The following FAM222A variants were observed in gnomAD, a reference collection of about 807,000 sequenced individuals.
FAM222A encodes the protein protein FAM222A.
FAM222A carries 7 observed loss-of-function variants against 25.8 expected under a neutral mutation model. That is an observed-to-expected ratio of 0.27 (90% confidence interval 0.15 to 0.51). The LOEUF (loss-of-function observed/expected upper bound fraction) is 0.51, where lower values mean the gene tolerates loss of function less well. FAM222A is among the 20% of genes least tolerant of loss of function. The probability of loss-of-function intolerance (pLI) is 0.97; values close to 1 mark genes in which losing one functional copy is unlikely to be tolerated. For missense variants in FAM222A, 573 were observed against 640.5 expected, an observed-to-expected ratio of 0.89 and a Z score of 1.14; for synonymous variants, 294 against 298.8, an observed-to-expected ratio of 0.98 and a Z score of 0.17.
chr12:109,748,935 A>G (rs1565842344), intron 2 of FAM222A, among the ~76,000 whole-genome samples: 1 of 152,120 alleles, frequency 6.6e-6, no homozygotes, highest in Non-Finnish European at 1.5e-5. Context: ...TTTTTACATT[A>G]ATCTTTTTTT....
intron 1 of FAM222A, among the ~76,000 whole-genome samples, chr12:109,733,561 G>A (rs1340216776): frequency 4.6e-5 from 7 of 152,036 alleles, no homozygotes; most frequent in South Asian, 4.1e-4. Flanking sequence ...ACGCCACCAC[G>A]CCTGGCTAAT....
At chr12:109,715,507 C>T (rs1887625630) in intron 1 of FAM222A, among the ~76,000 whole-genome samples, 1 of 152,186 alleles carries the variant, frequency 6.6e-6, no homozygotes, top group Non-Finnish European at 1.5e-5. Context: ...TTGCCTTGAC[C>T]CAAGGCCGGA....
intron 2 of FAM222A, among the ~76,000 whole-genome samples, chr12:109,766,189 A>G (rs1889045122): frequency 6.6e-6 from 1 of 152,100 alleles, no homozygotes; most frequent in African/African-American, 2.4e-5. Context: ...TGGGCAAACT[A>G]CATGCCCAGG....
chr12:109,768,737 G>A lies in FAM222A; in HGVS notation c.808G>A (p.Ala270Thr). The change falls in exon 3 of 3, where the codon GCT becomes ACT. Residue 270 changes from alanine (A) to threonine (T), a missense_variant. By Grantham distance (58) the Ala-to-Thr change is moderately conservative. Coordinates refer to ENST00000538780, the MANE Select transcript of FAM222A (RefSeq NM_032829.3). ...GGGAGCCACCCAAGCCTTGACGTTG[G>A]CTGGGGCCGCCAAGCCTGCAGGGTA... The part of the protein sequence containing the change: ...GQGATQALTL[A>T]GAAKPAGYAD... 6.3e-7 allele frequency: 1 copy of A among 1,577,978 alleles called. No homozygotes were observed. The highest frequency in any genetic ancestry group is 1.7e-5 in the Admixed American group (1 of 57,380).
In FAM222A at chr12:109,769,242, T is replaced by C; in HGVS notation, c.1313T>C (p.Leu438Pro). ...KGYETVAVPR[L>P]LDHQHAHIRL... Reference sequence around the variant, plus strand: ...TATGAGACGGTGGCCGTGCCCCGGCTACTCGACCACCAGCATGCCCACATC... The same window carrying C: ...TATGAGACGGTGGCCGTGCCCCGGCCACTCGACCACCAGCATGCCCACATC... The change falls in exon 3 of 3, where the codon CTA becomes CCA. Residue 438 changes from leucine to proline, a missense_variant. This residue lies in a region of FAM222A where 49 missense variants were observed against 78.9 expected (regional missense o/e 0.62). Coordinates refer to ENST00000538780, the MANE Select transcript of FAM222A (RefSeq NM_032829.3). 6.2e-7 allele frequency: 1 copy of C among 1,611,776 alleles called. No homozygotes were observed. The highest frequency in any genetic ancestry group is 1.1e-5 in the South Asian group (1 of 90,836).
intron 1 of FAM222A, among the ~76,000 whole-genome samples, chr12:109,743,773 G>A (rs192077153): frequency 7.2e-5 from 11 of 152,298 alleles, no homozygotes; most frequent in South Asian, 4.1e-4. Context: ...TGCGGGGCAC[G>A]GAGGGAGTGA....
Position 109,769,470 on chromosome 12 carries a change from A to G in FAM222A, c.*182A>G, listed in dbSNP as rs1889181326. 1.3e-5 allele frequency: 9 copies of G among 713,226 alleles called. No homozygotes were observed. Among genetic ancestry groups the G allele is most frequent in the Non-Finnish European group, 2.0e-5 (9 of 441,786 alleles). 44.2% of individuals were successfully genotyped at this position (713,226 alleles called of 1,614,324 possible). A position where few individuals can be genotyped will look rare whatever the true frequency, so the allele number is the denominator to read the frequency against. The stretch of plus-strand genomic sequence containing the variant: ...ATGGAGGGTGGCAGGGCAACCTCAC[A>G]TACCAAGGCCCCTCCCCACCATCGG... On this transcript the variant is annotated 3_prime_UTR_variant, in exon 3 of 3. Transcript: ENST00000538780.
In FAM222A at chr12:109,727,089, G is replaced by A. The variant is rs900233390; in HGVS notation, c.-47+12192G>A. Among the ~76,000 whole-genome samples, 9 of 152,164 alleles carry A rather than the reference G, an allele frequency of 5.9e-5. No homozygotes were observed. The South Asian group carries it at 1.2e-3, about 21-fold the overall frequency. On this transcript the variant is annotated intron_variant, in intron 1 of 2. Coordinates refer to ENST00000538780, the MANE Select transcript of FAM222A (RefSeq NM_032829.3). The stretch of plus-strand genomic sequence containing the variant: ...CTTGTGCCCTCCTAGCCCCCTCCCT[G>A]TAGAGACTGGACGCGGCCCTGCCAC...
Position 109,739,477 on chromosome 12 carries a change from G to A in FAM222A, c.-46-4624G>A, listed in dbSNP as rs1378869753. Reference sequence around the variant, plus strand: ...CCTAAATGAATGAATGGGTGGGTAAGAAGCAAGGCCTGGGCTTTACTCATC... The same window carrying A: ...CCTAAATGAATGAATGGGTGGGTAAAAAGCAAGGCCTGGGCTTTACTCATC... On this transcript the variant is annotated intron_variant, in intron 1 of 2. Transcript: ENST00000538780. 3.3e-5 allele frequency among the ~76,000 whole-genome samples: 5 copies of A among 152,342 alleles called. 1 individual carries two copies. The South Asian group carries it at 1.0e-3, about 32-fold the overall frequency.
At chr12:109,736,492 C>T (rs1888090386) in intron 1 of FAM222A, among the ~76,000 whole-genome samples, 1 of 152,192 alleles carries the variant, frequency 6.6e-6, no homozygotes, top group Non-Finnish European at 1.5e-5. Context: ...AAGTCGGGGA[C>T]AGACACTGTC....
intron 2 of FAM222A, among the ~76,000 whole-genome samples, chr12:109,750,601 C>T (rs979406551): frequency 5.3e-5 from 8 of 152,078 alleles, no homozygotes; most frequent in African/African-American, 1.9e-4. Context: ...CCACAATCCC[C>T]ACATTTGTTT....
Position 109,714,587 on chromosome 12 carries a change from A to C in FAM222A, c.-357A>C, listed in dbSNP as rs1402864298. The C allele has an allele frequency of 1.3e-5, 2 of 151,570 alleles. No individual in the cohort carries two copies. Among genetic ancestry groups the C allele is most frequent in the Non-Finnish European group, 2.9e-5 (2 of 67,846 alleles). 9.4% of individuals were successfully genotyped at this position (151,570 alleles called of 1,614,324 possible). ...TGAGCGGGGCCCCGAGGGGAGGCGC[A>C]GCGCCGCCCGCCGGACGTGGCGATC... On this transcript the variant is annotated 5_prime_UTR_variant, in exon 1 of 3. Coordinates refer to ENST00000538780, the MANE Select transcript of FAM222A (RefSeq NM_032829.3). The surrounding 1 kb of genome is among the most constrained non-coding windows in gnomAD (Gnocchi z 4.2).
At chr12:109,730,405 G>A (rs1487168171) in intron 1 of FAM222A, among the ~76,000 whole-genome samples, 2 of 92,768 alleles carry the variant, frequency 2.2e-5, no homozygotes, top group Middle Eastern at 4.1e-3. Context: ...TGCCTGGGGG[G>A]CGGGGGGGGG....
intron 2 of FAM222A, among the ~76,000 whole-genome samples, chr12:109,756,180 C>T (rs1176858110): frequency 1.3e-5 from 2 of 152,096 alleles, no homozygotes; most frequent in Non-Finnish European, 2.9e-5. Context: ...ATTCCTCAGT[C>T]GTCTTTTTGA....
chr12:109,730,040 T>C (rs907147528), intron 1 of FAM222A, among the ~76,000 whole-genome samples: 2 of 152,068 alleles, frequency 1.3e-5, no homozygotes, highest in African/African-American at 4.8e-5. Flanking sequence ...TGTGGCTCCT[T>C]CTTGCCTGTG....
chr12:109,740,212 A>T (rs1028400181), intron 1 of FAM222A, among the ~76,000 whole-genome samples: 1 of 152,028 alleles, frequency 6.6e-6, no homozygotes, highest in Non-Finnish European at 1.5e-5. Flanking sequence ...CCTTTATCTA[A>T]ATCCTCAGCT....
In FAM222A at chr12:109,768,633, C is replaced by T. The variant is rs746986231; in HGVS notation, c.704C>T (p.Pro235Leu). 10 of 1,601,958 alleles carry T rather than the reference C, an allele frequency of 6.2e-6. No individual in the cohort carries two copies. The highest frequency in any genetic ancestry group is 1.6e-4 in the Middle Eastern group (1 of 6,076). Residue 235 changes from proline (P) to leucine (L), a missense_variant, in exon 3 of 3, where the codon CCA becomes CTA. Around this residue, in one of 3 missense-constraint regions of FAM222A, gnomAD observed 412 missense variants for 407.0 expected, o/e 1.01. Transcript: ENST00000538780. ...IPHPSPAKHG[P>L]VPSFPSMAYS... ...CATCCCAGCCCTGCCAAGCACGGCC[C>T]AGTGCCCAGCTTCCCCAGCATGGCC... is the stretch of plus-strand genomic sequence containing the variant.
rs193274288 is a variant in FAM222A, at chr12:109,739,687, C to T, written c.-46-4414C>T. On this transcript the variant is annotated intron_variant, in intron 1 of 2. Coordinates refer to ENST00000538780, the MANE Select transcript of FAM222A (RefSeq NM_032829.3). Reference sequence around the variant, plus strand: ...GAGAAGCAGACCCTTGCTTCCATCCCTCCCTGCCCAGTTGACTGGGAGCTG... The same window carrying T: ...GAGAAGCAGACCCTTGCTTCCATCCTTCCCTGCCCAGTTGACTGGGAGCTG... Among the ~76,000 whole-genome samples the T allele has an allele frequency of 1.0e-3, 157 of 152,344 alleles. 1 individual carries two copies. Among genetic ancestry groups the T allele is most frequent in the Admixed American group, 1.5e-3 (23 of 15,304 alleles).
At chr12:109,724,669 C>T (rs1205304190) in intron 1 of FAM222A, among the ~76,000 whole-genome samples, 3 of 152,196 alleles carry the variant, frequency 2.0e-5, no homozygotes, top group Non-Finnish European at 1.5e-5. Context: ...AACTGTCGGT[C>T]CTCCCTCTCT....
Sources: allele counts gnomAD v4.1 joint callset (sites outside exome capture counted in the v4.1 genomes callset), GRCh38; gene constraint gnomAD v4.1.1; regional missense constraint gnomAD v4.1.1; non-coding constraint Gnocchi (gnomAD v3.1); transcripts MANE v1.5; gene names NCBI Gene and HGNC (gene_info 2026-07-23, HGNC 2026-07-21).